The following DNTTIP1 variants were observed in gnomAD, a reference collection of about 807,000 sequenced individuals.
DNTTIP1 encodes deoxynucleotidyltransferase terminal-interacting protein 1.
In DNTTIP1, 22 loss-of-function variants were observed where a neutral mutation model predicts 52.9. That is an observed-to-expected ratio of 0.42 (90% CI 0.30 to 0.59). The LOEUF is 0.59. Among genes scored for constraint, DNTTIP1 ranks in the 20% least tolerant of loss-of-function variants. The pLI, the probability that DNTTIP1 is intolerant of heterozygous loss-of-function variation, is 0.22. For synonymous variants in DNTTIP1, 136 were observed against 155.1 expected, an observed-to-expected ratio of 0.88 and a Z score of 0.92; for missense variants, 286 against 435.5, an observed-to-expected ratio of 0.66 and a Z score of 3.06.
intron 3 of DNTTIP1, among the ~76,000 whole-genome samples, chr20:45,794,585 G>A (rs1981170705): frequency 6.6e-6 from 1 of 151,742 alleles, no homozygotes; most frequent in Non-Finnish European, 1.5e-5. Context: ...TGACTTAAAT[G>A]TACTGTGCTG....
chr20:45,794,337 C>T (rs145014792), intron 3 of DNTTIP1, among the ~76,000 whole-genome samples: 52 of 151,938 alleles, frequency 3.4e-4, no homozygotes, highest in African/African-American at 1.2e-3. Flanking sequence ...TTAGTAGAGA[C>T]GGGGTTTCAC....
intron 10 of DNTTIP1, among the ~76,000 whole-genome samples, chr20:45,807,721 C>T (rs1371697762): frequency 1.3e-5 from 2 of 151,958 alleles, no homozygotes; most frequent in African/African-American, 4.8e-5. Flanking sequence ...CCGAGGCAGG[C>T]GGGTCACCTG....
chr20:45,799,834 G>A (rs1178245020), intron 4 of DNTTIP1, among the ~76,000 whole-genome samples: 3 of 140,312 alleles, frequency 2.1e-5, no homozygotes, highest in African/African-American at 7.6e-5. Context: ...CAGGCCAGGC[G>A]CACTGGCTCA....
intron 7 of DNTTIP1, among the ~76,000 whole-genome samples, chr20:45,802,669 A>G (rs1981513533): frequency 6.6e-6 from 1 of 152,098 alleles, no homozygotes; most frequent in South Asian, 2.1e-4. Context: ...CTCAGAGTGC[A>G]TAGTTTCCAT....
chr20:45,796,498 A>G lies in DNTTIP1; in HGVS notation c.372+1055A>G, dbSNP rs566378880. On this transcript the variant is annotated intron_variant, in intron 4 of 12. Transcript: ENST00000372622. ...AGTTATCATGGCCCCATTTGGTATC[A>G]TGGGGATGAGCACCCTGCTGCCTCC... 3.9e-4 allele frequency: 183 copies of G among 470,946 alleles called. 1 individual carries two copies. The highest frequency in any genetic ancestry group is 3.1e-3 in the African/African-American group (153 of 50,094). The allele number at this position is 470,946 out of a possible 1,614,324, so 29.2% of individuals were successfully genotyped here.
chr20:45,803,321 C>T lies in DNTTIP1; in HGVS notation c.558-12C>T, dbSNP rs1981533046. Reference sequence around the variant, plus strand: ...CTTGGAGAATTCACCTTTATTCTTTCCTTCCAAGCAGATGGAAACCAAAAT... The same window carrying T: ...CTTGGAGAATTCACCTTTATTCTTTTCTTCCAAGCAGATGGAAACCAAAAT... On this transcript the variant is annotated splice_polypyrimidine_tract_variant and intron_variant, in intron 7 of 12. Coordinates refer to ENST00000372622, the MANE Select transcript of DNTTIP1 (RefSeq NM_052951.3). 6.2e-7 allele frequency: 1 copy of T among 1,614,094 alleles called. No homozygotes were observed. The highest frequency in any genetic ancestry group is 8.5e-7 in the Non-Finnish European group (1 of 1,179,956).
In DNTTIP1 at chr20:45,810,899, C is replaced by T. The variant is rs148278422; in HGVS notation, c.810C>T (p.Ile270=). ...TCCTGCCTCAGGCCTACCTCCTCAT[C>T]GAGGAGGACATCCGGGACCTTGCGG... is the stretch of plus-strand genomic sequence containing the variant. ...ATGGKMAYLL[I]EEDIRDLAAS... The change falls in exon 12 of 13, where the codon ATC becomes ATT. Residue 270 remains isoleucine, a synonymous_variant. Transcript: ENST00000372622. 7.4e-6 allele frequency: 12 copies of T among 1,614,014 alleles called. No individual in the cohort carries two copies. The highest frequency in any genetic ancestry group is 6.7e-5 in the African/African-American group (5 of 74,918).
chr20:45,802,514 T>A (rs1331115515), intron 7 of DNTTIP1, among the ~76,000 whole-genome samples: 1 of 152,024 alleles, frequency 6.6e-6, no homozygotes, highest in African/African-American at 2.4e-5. Context: ...CAGTTTTAGG[T>A]TCACAGCAAA....
At position 45,792,053 on chromosome 20, in the gene DNTTIP1, G is replaced by C; in HGVS notation, c.49G>C (p.Glu17Gln). The C allele has an allele frequency of 7.8e-7, 1 of 1,283,506 alleles. No individual in the cohort carries two copies. The highest frequency in any genetic ancestry group is 9.9e-7 in the Non-Finnish European group (1 of 1,014,216). 79.5% of individuals were successfully genotyped at this position (1,283,506 alleles called of 1,614,324 possible). Residue 17 changes from glutamate to glutamine, a missense_variant, in exon 1 of 13, where the codon GAG becomes CAG. Coordinates refer to ENST00000372622, the MANE Select transcript of DNTTIP1 (RefSeq NM_052951.3). ...AEQPRGPSGA[E>Q]RGGLELGDAG... ...GCAGCCGCGGGGACCTAGCGGGGCC[G>C]AGAGGGGCGGCTTGGAGCTGGGGGA...
Position 45,792,669 on chromosome 20 carries a change from C to T in DNTTIP1, c.106-8C>T, listed in dbSNP as rs1981069312. On this transcript the variant is annotated splice_polypyrimidine_tract_variant and splice_region_variant and intron_variant, in intron 1 of 12. Coordinates refer to ENST00000372622, the MANE Select transcript of DNTTIP1 (RefSeq NM_052951.3). ...CCGCAGTGACATTTGTTCCGTTGGT[C>T]CCCACAGAACCCTTGGAACATAATG... 1 of 1,592,966 alleles carries T rather than the reference C, an allele frequency of 6.3e-7. No individual in the cohort carries two copies. The highest frequency in any genetic ancestry group is 1.4e-5 in the African/African-American group (1 of 73,872).
intron 6 of DNTTIP1, 98 bp from the exon 7 acceptor site, chr20:45,801,901 C>T (rs930456793): frequency 1.7e-6 from 2 of 1,204,162 alleles, no homozygotes; most frequent in African/African-American, 3.0e-5. Context: ...CATTTGATCT[C>T]TTTGGAAAAC....
Position 45,811,015 on chromosome 20 carries a change from A to G in DNTTIP1, c.852-42A>G, listed in dbSNP as rs116653636. ...GCCCCTAGAATGAGGCAGGGCCTAC[A>G]TCCTCACTTCCCCCAACTTCTCTCT... On this transcript the variant is annotated intron_variant, in intron 12 of 12. Coordinates refer to ENST00000372622, the MANE Select transcript of DNTTIP1 (RefSeq NM_052951.3). 3.1e-6 allele frequency: 5 copies of G among 1,613,318 alleles called. No individual in the cohort carries two copies. In the African/African-American group the frequency reaches 5.3e-5, roughly 17 times the overall value.
At chr20:45,797,023 T>C (rs987676798) in intron 4 of DNTTIP1, among the ~76,000 whole-genome samples, 1 of 152,196 alleles carries the variant, frequency 6.6e-6, no homozygotes, top group African/African-American at 2.4e-5. Flanking sequence ...TTTTCATAGG[T>C]GTTTTCATCT....
At chr20:45,804,874 C>G (rs1981583018) in intron 8 of DNTTIP1, among the ~76,000 whole-genome samples, 1 of 152,214 alleles carries the variant, frequency 6.6e-6, no homozygotes, top group Admixed American at 6.5e-5. Context: ...CCTGCACTCA[C>G]TTGTGTCCTT....
At chr20:45,796,001 T>C in intron 4 of DNTTIP1, among the ~76,000 whole-genome samples, 1 of 152,172 alleles carries the variant, frequency 6.6e-6, no homozygotes, top group Non-Finnish European at 1.5e-5. Flanking sequence ...ATCTTTTAAT[T>C]ACTATTTTAT....
intron 2 of DNTTIP1, among the ~76,000 whole-genome samples, chr20:45,793,612 A>G (rs1981122513): frequency 6.6e-6 from 1 of 152,286 alleles, no homozygotes; most frequent in Non-Finnish European, 1.5e-5. Flanking sequence ...AGGCAGGAGA[A>G]TTGCTTGAAC....
At chr20:45,794,489 T>C (rs1189042119) in intron 3 of DNTTIP1, among the ~76,000 whole-genome samples, 1 of 152,094 alleles carries the variant, frequency 6.6e-6, no homozygotes, top group Non-Finnish European at 1.5e-5. Context: ...ATTCCCTCCT[T>C]GAGGGTAATT....
At chr20:45,805,920 C>T (rs1244765987) in intron 10 of DNTTIP1, among the ~76,000 whole-genome samples, 1 of 151,914 alleles carries the variant, frequency 6.6e-6, no homozygotes, top group Non-Finnish European at 1.5e-5. Flanking sequence ...CCTGTCTCTA[C>T]TAAAAATACA....
chr20:45,807,235 C>T (rs2145705613), intron 10 of DNTTIP1, among the ~76,000 whole-genome samples: 1 of 152,144 alleles, frequency 6.6e-6, no homozygotes, highest in South Asian at 2.1e-4. Flanking sequence ...CAATTGTCTG[C>T]CTCAGCCTCC....
Sources: allele counts gnomAD v4.1 joint callset (sites outside exome capture counted in the v4.1 genomes callset), GRCh38; gene constraint gnomAD v4.1.1; transcripts MANE v1.5; gene names NCBI Gene and HGNC (gene_info 2026-07-23, HGNC 2026-07-21).